The following CDV3 variants were observed in gnomAD, a reference collection of about 807,000 sequenced individuals.
CDV3 encodes CDV3 homolog.
CDV3 carries 14 observed loss-of-function variants against 24.5 expected under a neutral mutation model. That is an observed-to-expected ratio of 0.57 (90% CI 0.38 to 0.89). The LOEUF is 0.89. Ranked by LOEUF, CDV3 falls within the 40% of genes least tolerant of loss-of-function variation. CDV3 has a pLI of 0.00. For missense variants in CDV3, 304 were observed against 310.2 expected (o/e 0.98, Z 0.15); for synonymous variants, 114 against 114.1 (o/e 1.00, Z 0.00).
At chr3:133,576,298 G>C (rs2074804463) in intron 2 of CDV3, among the ~76,000 whole-genome samples, 1 of 152,180 alleles carries the variant, frequency 6.6e-6, no homozygotes, top group Non-Finnish European at 1.5e-5. Context: ...GATTAGACTT[G>C]AGTTTGATTC....
At chr3:133,583,123 A>G (rs1437443304) in intron 2 of CDV3, among the ~76,000 whole-genome samples, 1 of 152,210 alleles carries the variant, frequency 6.6e-6, no homozygotes, top group Non-Finnish European at 1.5e-5. Context: ...TATCTTTTCC[A>G]TTTATAACAT....
chr3:133,576,778 G>A (rs1411780066), intron 2 of CDV3, among the ~76,000 whole-genome samples: 2 of 148,994 alleles, frequency 1.3e-5, no homozygotes, highest in African/African-American at 4.9e-5. Flanking sequence ...CCCTTGCCAG[G>A]GATATAAGTA....
At chr3:133,583,424 G>A (rs1020896592) in intron 2 of CDV3, among the ~76,000 whole-genome samples, 1 of 152,128 alleles carries the variant, frequency 6.6e-6, no homozygotes, top group Non-Finnish European at 1.5e-5. Flanking sequence ...TAATCCTTCA[G>A]CTCACCTTCT....
At chr3:133,587,292 T>A (rs1332210493) in intron 4 of CDV3, 2 of 1,266,704 alleles carry the variant, frequency 1.6e-6, no homozygotes, top group African/African-American at 3.1e-5. Flanking sequence ...GGAAATGTGT[T>A]TTTTGGGGTG....
chr3:133,577,239 A>G lies in CDV3; in HGVS notation c.317+2124A>G, dbSNP rs146190711. Among the ~76,000 whole-genome samples the G allele has an allele frequency of 6.2e-3, 938 of 152,098 alleles. 6 individuals are homozygous for G. Among genetic ancestry groups the G allele is most frequent in the Non-Finnish European group, 9.9e-3 (671 of 67,990 alleles). On this transcript the variant is annotated intron_variant, in intron 2 of 4. Coordinates refer to ENST00000264993, the MANE Select transcript of CDV3 (RefSeq NM_017548.5). The stretch of plus-strand genomic sequence containing the variant: ...AGTAGAGGTATTCCACTAACCTGCA[A>G]CACTGAGAAACACTCCTTCCCATAT...
At chr3:133,574,375 G>C (rs2107685904) in intron 1 of CDV3, 91 bp downstream of exon 1, 1 of 932,878 alleles carries the variant, frequency 1.1e-6, no homozygotes, top group East Asian at 1.2e-4. Flanking sequence ...CGTCCGGGAG[G>C]GGCCGCGGAG....
At chr3:133,580,306 A>AT (rs1223928069) in intron 2 of CDV3, among the ~76,000 whole-genome samples, 1 of 152,178 alleles carries the variant, frequency 6.6e-6, no homozygotes, top group Non-Finnish European at 1.5e-5. Flanking sequence ...GAGCTCATCC[A>AT]TTTTTATGGC....
intron 2 of CDV3, among the ~76,000 whole-genome samples, chr3:133,581,511 C>T (rs532821735): frequency 1.3e-5 from 2 of 152,230 alleles, no homozygotes; most frequent in East Asian, 1.9e-4. Flanking sequence ...TATCTGTAGT[C>T]TCTTCTATTT....
rs1462397896 is a variant in CDV3 at position 133,584,139 on chromosome 3, C to T, written c.455C>T (p.Ala152Val). 1.9e-6 allele frequency: 3 copies of T among 1,593,772 alleles called. No individual in the cohort carries two copies. Among genetic ancestry groups the T allele is most frequent in the African/African-American group, 2.7e-5 (2 of 73,522 alleles). ...NKTAPVQAPPAPVIVTETPEP... is the reference protein window; with the variant it reads ...NKTAPVQAPPVPVIVTETPEP... ...ACAGCTCCAGTACAAGCACCTCCTG[C>T]TCCAGTAATTGGTAATTTTACTATT... The change falls in exon 3 of 5, where the codon GCT (alanine) becomes GTT (valine). Residue 152 changes from alanine to valine, a missense_variant. This residue lies in a region of CDV3 where 219 missense variants were observed against 203.6 expected (regional missense o/e 1.08). Transcript: ENST00000264993.
chr3:133,581,413 AT>A (rs1355608414), intron 2 of CDV3, among the ~76,000 whole-genome samples: 1 of 152,172 alleles, frequency 6.6e-6, no homozygotes, highest in Non-Finnish European at 1.5e-5. Flanking sequence ...ATAAAAAATG[AT>A]TTTTTATGTA....
chr3:133,580,242 T>C (rs1428840891), intron 2 of CDV3, among the ~76,000 whole-genome samples: 1 of 152,198 alleles, frequency 6.6e-6, no homozygotes, highest in Non-Finnish European at 1.5e-5. Flanking sequence ...GTCCTTGTGA[T>C]ATTTTGCTGA....
At position 133,573,965 on chromosome 3, in the gene CDV3, C is replaced by T. The variant is rs550544599; in HGVS notation, c.-80C>T. ...GCGCCCGGCAGCGTGAGCGCAGAGC[C>T]GGCCTCGACCCCGAGCTCGGAGCCC... On this transcript the variant is annotated 5_prime_UTR_variant, in exon 1 of 5. Transcript: ENST00000264993. 7.5e-5 allele frequency: 75 copies of T among 996,782 alleles called. 1 individual carries two copies. In the Admixed American group the frequency reaches 3.1e-3, roughly 41 times the overall value. 61.7% of individuals were successfully genotyped at this position (996,782 alleles called of 1,614,324 possible).
intron 2 of CDV3, among the ~76,000 whole-genome samples, chr3:133,583,670 C>CT (rs1933294363): frequency 6.6e-6 from 1 of 152,182 alleles, no homozygotes; most frequent in South Asian, 2.1e-4. Flanking sequence ...TCAAGGGATT[C>CT]TCCTGCCTCA....
At position 133,573,907 on chromosome 3, in the gene CDV3, G is replaced by T. The variant is rs1167803662; in HGVS notation, c.-138G>T. 3.5e-6 allele frequency: 2 copies of T among 574,150 alleles called. No homozygotes were observed. The highest frequency in any genetic ancestry group is 4.4e-6 in the Non-Finnish European group (2 of 454,378). The allele number at this position is 574,150 out of a possible 1,614,324, so 35.6% of individuals were successfully genotyped here. A position where few individuals can be genotyped will look rare whatever the true frequency, so the allele number is the denominator to read the frequency against. On this transcript the variant is annotated 5_prime_UTR_variant, in exon 1 of 5. Transcript: ENST00000264993. Reference sequence around the variant, plus strand: ...GGGAGCCGCCCGTCTCGCCGCGCACGCCTCGGCGACCCCGCGGGGCTGAGG... The same window carrying T: ...GGGAGCCGCCCGTCTCGCCGCGCACTCCTCGGCGACCCCGCGGGGCTGAGG...
chr3:133,588,143 C>G lies in CDV3; in HGVS notation c.*97C>G, dbSNP rs962937875. Reference sequence around the variant, plus strand: ...TGATCTCTGCTGGATCTACAGACACCGATGCAGACCACTCGATTTCATGAC... The same window carrying G: ...TGATCTCTGCTGGATCTACAGACACGGATGCAGACCACTCGATTTCATGAC... On this transcript the variant is annotated 3_prime_UTR_variant, in exon 5 of 5. Coordinates refer to ENST00000264993, the MANE Select transcript of CDV3 (RefSeq NM_017548.5). 2 of 1,559,508 alleles carry G rather than the reference C, an allele frequency of 1.3e-6. No individual in the cohort carries two copies. Among genetic ancestry groups the G allele is most frequent in the Non-Finnish European group, 8.7e-7 (1 of 1,154,530 alleles).
In CDV3 at chr3:133,574,326, G is replaced by GC. The variant is rs1334554742; in HGVS notation, c.240+44dup. The stretch of plus-strand genomic sequence containing the variant: ...CCGGCACTCGGGGCCCGGGCCGCGC[G>GC]CCGGCGCCCCATGTGCCCGCCCCCG... On this transcript the variant is annotated intron_variant, in intron 1 of 4. Transcript: ENST00000264993. 2.0e-4 allele frequency: 184 copies of GC among 933,438 alleles called. 2 individuals carry two copies. In the South Asian group the frequency reaches 7.4e-3, roughly 37 times the overall value. 57.8% of individuals were successfully genotyped at this position (933,438 alleles called of 1,614,324 possible). A position where few individuals can be genotyped will look rare whatever the true frequency, so the allele number is the denominator to read the frequency against.
chr3:133,587,851 C>A, intron 4 of CDV3, 45 bp from the exon 5 acceptor site: 1 of 1,545,278 alleles, frequency 6.5e-7, no homozygotes, highest in Admixed American at 2.1e-5. Flanking sequence ...TTCAAAAACC[C>A]TAGTGAAGAA....
At chr3:133,587,771 G>T in intron 4 of CDV3, 125 bp from the exon 5 acceptor site, 1 of 1,449,236 alleles carries the variant, frequency 6.9e-7, no homozygotes, top group South Asian at 1.6e-5. Flanking sequence ...TTTTCTATAT[G>T]CCTCCACTCC....
At position 133,587,914 on chromosome 3, in the gene CDV3, G is replaced by C; in HGVS notation, c.645G>C (p.Lys215Asn). 1 of 1,609,018 alleles carries C rather than the reference G, an allele frequency of 6.2e-7. No individual in the cohort carries two copies. Among genetic ancestry groups the C allele is most frequent in the South Asian group, 1.1e-5 (1 of 90,648 alleles). Residue 215 changes from lysine to asparagine, a missense_variant, in exon 5 of 5, where the codon AAG (lysine) becomes AAC (asparagine). By Grantham distance (94) the Lys-to-Asn change is moderately conservative (BLOSUM62 0). Coordinates refer to ENST00000264993, the MANE Select transcript of CDV3 (RefSeq NM_017548.5). ...CCCTTAGGGATAAAGAAATGGAGAAGAGCTTTGAAGTAGTAAGACACAAAA... is the reference window on the plus strand; with the variant it reads ...CCCTTAGGGATAAAGAAATGGAGAACAGCTTTGAAGTAGTAAGACACAAAA... ...VESRKDKEME[K>N]SFEVVRHKNR...
Sources: allele counts gnomAD v4.1 joint callset (sites outside exome capture counted in the v4.1 genomes callset), GRCh38; gene constraint gnomAD v4.1.1; regional missense constraint gnomAD v4.1.1; transcripts MANE v1.5; gene names NCBI Gene and HGNC (gene_info 2026-07-23, HGNC 2026-07-21).